CSMD1: variants seen among roughly 807,000 people sequenced by gnomAD.
CSMD1 encodes the protein CUB and Sushi multiple domains 1.
CSMD1 carries 213 observed loss-of-function variants against 417.5 expected under a neutral mutation model. The observed-to-expected ratio is 0.51, with a 90% CI of 0.46 to 0.57. The LOEUF is 0.57. CSMD1 is among the 20% of genes least tolerant of loss of function. The probability of loss-of-function intolerance (pLI) is 0.00; values close to 1 mark genes in which losing one functional copy is unlikely to be tolerated. For synonymous variants in CSMD1, 2,862 were observed against 1,736.8 expected, an observed-to-expected ratio of 1.65 and a Z score of -16.11; for missense variants, 6,923 against 4,529.7, an observed-to-expected ratio of 1.53 and a Z score of -15.17.
At chr8:3,365,275 G>C (rs1200443227) in intron 20 of CSMD1, among the ~76,000 whole-genome samples, 1 of 152,156 alleles carries the variant, frequency 6.6e-6, no homozygotes, top group East Asian at 1.9e-4. Flanking sequence ...CACTTGAGTA[G>C]TGAAATACCA....
chr8:4,250,353 C>A (rs1367569791), intron 3 of CSMD1, among the ~76,000 whole-genome samples: 1 of 152,124 alleles, frequency 6.6e-6, no homozygotes, highest in Non-Finnish European at 1.5e-5. Context: ...GAATGTGTGT[C>A]CCCTAATGTG....
intron 3 of CSMD1, among the ~76,000 whole-genome samples, chr8:4,315,811 C>A (rs1798890447): frequency 6.6e-6 from 1 of 151,568 alleles, no homozygotes; most frequent in African/African-American, 2.4e-5. Flanking sequence ...AACTTTTTTT[C>A]TTTATTCTTC....
chr8:4,846,294 C>T (rs1052893545), intron 1 of CSMD1, among the ~76,000 whole-genome samples: 7 of 152,098 alleles, frequency 4.6e-5, no homozygotes, highest in South Asian at 4.2e-4. Flanking sequence ...TTGTTATTTC[C>T]ATGTATACCT....
intron 40 of CSMD1, among the ~76,000 whole-genome samples, chr8:3,145,604 T>G (rs910928010): frequency 2.6e-5 from 4 of 152,174 alleles, no homozygotes; most frequent in Non-Finnish European, 5.9e-5. Flanking sequence ...CATATCAAAC[T>G]ACCTAATACA....
chr8:3,637,024 G>C (rs541712202), intron 7 of CSMD1, among the ~76,000 whole-genome samples: 3 of 151,900 alleles, frequency 2.0e-5, no homozygotes, highest in Non-Finnish European at 4.4e-5. Context: ...TTCCACCATG[G>C]AATAACGATG....
intron 1 of CSMD1, among the ~76,000 whole-genome samples, chr8:4,759,352 GCAGTGGA>G (rs1405465296): frequency 6.6e-6 from 1 of 152,304 alleles, no homozygotes; most frequent in Non-Finnish European, 1.5e-5. Flanking sequence ...CCAATAAAGG[GCAGTGGA>G]CAGGGCCAGC....
intron 21 of CSMD1, among the ~76,000 whole-genome samples, chr8:3,353,035 T>G (rs905754709): frequency 9.9e-5 from 15 of 152,160 alleles, no homozygotes; most frequent in Non-Finnish European, 1.8e-4. Context: ...AAACTATGAT[T>G]TGAACCCCAG....
At chr8:3,968,896 C>T (rs1331126092) in intron 5 of CSMD1, among the ~76,000 whole-genome samples, 1 of 152,122 alleles carries the variant, frequency 6.6e-6, no homozygotes, top group Non-Finnish European at 1.5e-5. Flanking sequence ...TCATGTAATT[C>T]AGATGTAATG....
At chr8:3,819,119 GA>G (rs1801567639) in intron 5 of CSMD1, among the ~76,000 whole-genome samples, 1 of 152,162 alleles carries the variant, frequency 6.6e-6, no homozygotes, top group Non-Finnish European at 1.5e-5. Flanking sequence ...GGAGATGGGG[GA>G]AAGATTTGCT....
intron 50 of CSMD1, chr8:3,043,672 CA>C (rs1461309539): frequency 6.6e-6 from 1 of 151,796 alleles, no homozygotes; most frequent in African/African-American, 2.4e-5. Context: ...TTTTTTCATG[CA>C]AAAATCACAC....
intron 1 of CSMD1, among the ~76,000 whole-genome samples, chr8:4,772,134 C>G (rs1176961854): frequency 1.3e-5 from 2 of 152,064 alleles, no homozygotes; most frequent in Admixed American, 6.5e-5. Flanking sequence ...CCACCGAGAG[C>G]AGAAGTCAGT....
intron 1 of CSMD1, among the ~76,000 whole-genome samples, chr8:4,741,073 G>A (rs1810572197): frequency 1.3e-5 from 2 of 152,042 alleles, no homozygotes; most frequent in East Asian, 3.9e-4. Context: ...TATGCTTTAA[G>A]GAATGAAAAT....
intron 2 of CSMD1, among the ~76,000 whole-genome samples, chr8:4,446,306 G>T (rs189474909): frequency 6.6e-6 from 1 of 152,116 alleles, no homozygotes; most frequent in Non-Finnish European, 1.5e-5. Context: ...CTGCTTCTTT[G>T]GGAGCCCAGC....
chr8:3,531,728 C>G (rs1383362948), intron 10 of CSMD1, among the ~76,000 whole-genome samples: 1 of 152,164 alleles, frequency 6.6e-6, no homozygotes, highest in African/African-American at 2.4e-5. Flanking sequence ...AAAAAAACCC[C>G]AAGAAATCAC....
chr8:4,455,409 G>C (rs182717421), intron 2 of CSMD1, among the ~76,000 whole-genome samples: 1 of 152,220 alleles, frequency 6.6e-6, no homozygotes, highest in Admixed American at 6.5e-5. Context: ...CAGCTGTCAT[G>C]TGTATCATTA....
intron 1 of CSMD1, among the ~76,000 whole-genome samples, chr8:4,936,178 A>C (rs1807608258): frequency 1.3e-5 from 2 of 152,224 alleles, no homozygotes; most frequent in South Asian, 2.1e-4. Flanking sequence ...AATCACATTA[A>C]GTTGAGAGGC....
At chr8:3,021,757 A>G (rs112962848) in intron 51 of CSMD1, among the ~76,000 whole-genome samples, 5 of 120,242 alleles carry the variant, frequency 4.2e-5, no homozygotes, top group African/African-American at 1.4e-4. Flanking sequence ...CTGCAATCCC[A>G]CAGCATCCGG....
intron 3 of CSMD1, among the ~76,000 whole-genome samples, chr8:4,221,779 A>G (rs1047666028): frequency 1.3e-5 from 2 of 152,290 alleles, no homozygotes; most frequent in African/African-American, 2.4e-5. Flanking sequence ...AAGAAAATAT[A>G]CATTCTGAAA....
At chr8:3,694,375 C>G (rs1800432174) in intron 7 of CSMD1, among the ~76,000 whole-genome samples, 2 of 152,148 alleles carry the variant, frequency 1.3e-5, no homozygotes, top group South Asian at 4.1e-4. Flanking sequence ...CCCAAACTGA[C>G]ACCCAGAAGA....
Sources: allele counts gnomAD v4.1 joint callset (sites outside exome capture counted in the v4.1 genomes callset), GRCh38; gene constraint gnomAD v4.1.1; transcripts MANE v1.5; gene names NCBI Gene and HGNC (gene_info 2026-07-23, HGNC 2026-07-21).